Variants in NMRK1 observed in about 807,000 individuals in gnomAD.
NMRK1 encodes the protein nicotinamide riboside kinase 1, also known as NRK 1.
Under a neutral mutation model 29.9 loss-of-function variants are expected in NMRK1, and 28 were observed. That is an observed-to-expected ratio of 0.94 (90% CI 0.69 to 1.28). The LOEUF is 1.28. Ranked by LOEUF, NMRK1 falls within the 50% of genes most tolerant of loss-of-function variation. The pLI is 0.00. For missense variants in NMRK1, 218 were observed against 233.1 expected, an observed-to-expected ratio of 0.94 and a Z score of 0.42; for synonymous variants, 58 against 73.0, an observed-to-expected ratio of 0.79 and a Z score of 1.05.
At position 75,069,946 on chromosome 9, in the gene NMRK1, G is replaced by A. The variant is rs376339133; in HGVS notation, c.266C>T (p.Ala89Val). The A allele has an allele frequency of 3.7e-6, 6 of 1,613,858 alleles. No homozygotes were observed. In the African/African-American group the frequency reaches 8.0e-5, roughly 22 times the overall value. ...HSVVSTDQES[A>V]EEIPILIIEG... ...GATGATTAAAATGGGAATTTCCTCA[G>A]CACTTTCCTGGTCTGTTGATACCAC... The change falls in exon 5 of 9, where the codon GCT becomes GTT. Residue 89 changes from alanine (A) to valine (V), a missense_variant. Transcript: ENST00000361092.
At chr9:75,069,651 A>G in intron 6 of NMRK1, 91 bp downstream of exon 6, 1 of 957,952 alleles carries the variant, frequency 1.0e-6, no homozygotes, top group Non-Finnish European at 1.6e-6. Flanking sequence ...AAAATGACGT[A>G]TACGCATTGC....
At chr9:75,063,759 T>C (rs1243039483) in intron 8 of NMRK1, among the ~76,000 whole-genome samples, 1 of 152,116 alleles carries the variant, frequency 6.6e-6, no homozygotes, top group Non-Finnish European at 1.5e-5. Flanking sequence ...GCTAGCTCAG[T>C]GTGTGTCATA....
intron 4 of NMRK1, among the ~76,000 whole-genome samples, chr9:75,074,228 G>T: frequency 6.6e-6 from 1 of 150,766 alleles, no homozygotes. Flanking sequence ...TGGCCATTAA[G>T]TCTTTCTCTT....
Position 75,078,507 on chromosome 9 carries a change from G to A in NMRK1, c.30-927C>T, listed in dbSNP as rs554795614. On this transcript the variant is annotated intron_variant, in intron 2 of 8. Transcript: ENST00000361092. ...TCTTTAGATCTAGTTTTGCAGCATCGAGGAGATCACACGGGAGGGAGGCAC... is the reference window on the plus strand; with the variant it reads ...TCTTTAGATCTAGTTTTGCAGCATCAAGGAGATCACACGGGAGGGAGGCAC... 1.6e-4 allele frequency: 167 copies of A among 1,040,174 alleles called. No individual in the cohort carries two copies. In the African/African-American group the frequency reaches 2.8e-3, roughly 18 times the overall value. The allele number at this position is 1,040,174 out of a possible 1,614,324, so 64.4% of individuals were successfully genotyped here.
At chr9:75,066,179 G>A in intron 8 of NMRK1, 1 of 469,154 alleles carries the variant, frequency 2.1e-6, no homozygotes, top group South Asian at 1.6e-5. Flanking sequence ...TGGAACACTA[G>A]GCATAAATGA....
chr9:75,078,752 C>T (rs1824155268), intron 2 of NMRK1, among the ~76,000 whole-genome samples: 1 of 152,042 alleles, frequency 6.6e-6, no homozygotes, highest in African/African-American at 2.4e-5. Flanking sequence ...TATTATGTTG[C>T]AGTTGGGGTG....
rs143318056 is a variant in NMRK1 at position 75,073,748 on chromosome 9, T to C, written c.169+3411A>G. On this transcript the variant is annotated intron_variant, in intron 4 of 8. Transcript: ENST00000361092. ...AGTGAGACTCCATCTCAATAAAAAATAAACAAACAAACAAAAAACTCCCAC... is the reference window on the plus strand; with the variant it reads ...AGTGAGACTCCATCTCAATAAAAAACAAACAAACAAACAAAAAACTCCCAC... 1.2e-3 allele frequency among the ~76,000 whole-genome samples: 186 copies of C among 152,154 alleles called. 1 individual carries two copies. Among genetic ancestry groups the C allele is most frequent in the African/African-American group, 3.5e-3 (144 of 41,544 alleles).
chr9:75,069,716 C>T, intron 6 of NMRK1, 26 bp downstream of exon 6: 2 of 1,587,060 alleles, frequency 1.3e-6, no homozygotes, highest in South Asian at 2.2e-5. Context: ...TGAATTACAA[C>T]TCACAAAGAT....
intron 7 of NMRK1, among the ~76,000 whole-genome samples, chr9:75,068,571 A>G (rs1823504589): frequency 6.6e-6 from 1 of 152,150 alleles, no homozygotes; most frequent in South Asian, 2.1e-4. Context: ...GTTTGGTTAA[A>G]TGTGACTTCC....
At chr9:75,087,833 G>C (rs1310165505) in intron 1 of NMRK1, 175 bp downstream of exon 1, 1 of 152,310 alleles carries the variant, frequency 6.6e-6, no homozygotes, top group Non-Finnish European at 1.5e-5. Flanking sequence ...ACGCCACCAT[G>C]AGTACACGTC....
chr9:75,087,832 T>G (rs1281016708), intron 1 of NMRK1, 176 bp downstream of exon 1: 5 of 152,218 alleles, frequency 3.3e-5, no homozygotes, highest in Non-Finnish European at 7.3e-5. Context: ...CACGCCACCA[T>G]GAGTACACGT....
intron 4 of NMRK1, among the ~76,000 whole-genome samples, chr9:75,072,851 C>T (rs1823775805): frequency 6.6e-6 from 1 of 151,908 alleles, no homozygotes; most frequent in Non-Finnish European, 1.5e-5. Context: ...TAATATATTC[C>T]ATGTACTCAA....
chr9:75,070,314 A>C (rs1823627924), intron 4 of NMRK1, among the ~76,000 whole-genome samples: 1 of 152,210 alleles, frequency 6.6e-6, no homozygotes, highest in South Asian at 2.1e-4. Flanking sequence ...TGATAATCAG[A>C]AACCCATGGC....
chr9:75,060,649 C>A lies in NMRK1; in HGVS notation c.*899G>T, dbSNP rs903114207. Reference sequence around the variant, plus strand: ...ATTTAAATTCCAGCATTGAAAGCAGCCTCAAGAGATCACACAATTCAGATC... The same window carrying A: ...ATTTAAATTCCAGCATTGAAAGCAGACTCAAGAGATCACACAATTCAGATC... On this transcript the variant is annotated 3_prime_UTR_variant, in exon 9 of 9. Coordinates refer to ENST00000361092, the MANE Select transcript of NMRK1 (RefSeq NM_017881.3). 5.3e-5 allele frequency: 8 copies of A among 152,068 alleles called. No homozygotes were observed. The highest frequency in any genetic ancestry group is 1.9e-4 in the African/African-American group (8 of 41,392). The allele number at this position is 152,068 out of a possible 1,614,324, so 9.4% of individuals were successfully genotyped here.
rs561985875 is a variant in NMRK1 at position 75,060,786 on chromosome 9, G to C, written c.*762C>G. 6.7e-6 allele frequency: 1 copy of C among 148,406 alleles called. No individual in the cohort carries two copies. Among genetic ancestry groups the C allele is most frequent in the African/African-American group, 2.5e-5 (1 of 39,652 alleles). 9.2% of individuals were successfully genotyped at this position (148,406 alleles called of 1,614,324 possible). On this transcript the variant is annotated 3_prime_UTR_variant, in exon 9 of 9. Coordinates refer to ENST00000361092, the MANE Select transcript of NMRK1 (RefSeq NM_017881.3). ...GACAAAAACAAAATGAACCACGAGG[G>C]GGGAGAAAGAAACCAGAAACCCTAT...
chr9:75,086,226 A>G (rs74884841), intron 1 of NMRK1, among the ~76,000 whole-genome samples: 1,891 of 152,252 alleles, frequency 0.012, 37 homozygotes, highest in African/African-American at 0.043. Flanking sequence ...CCAAAAACAA[A>G]ACAAAAAATC....
At chr9:75,066,334 T>C (rs1050249754) in intron 8 of NMRK1, 2 of 496,870 alleles carry the variant, frequency 4.0e-6, no homozygotes, top group Non-Finnish European at 8.0e-6. Flanking sequence ...TTTTAAAATC[T>C]TTTGTTTATC....
intron 2 of NMRK1, among the ~76,000 whole-genome samples, chr9:75,080,415 G>A (rs933687997): frequency 3.3e-5 from 5 of 152,204 alleles, no homozygotes; most frequent in African/African-American, 1.2e-4. Flanking sequence ...ACTTTGGGAG[G>A]TCGAGGTGGG....
At position 75,074,391 on chromosome 9, in the gene NMRK1, T is replaced by G. The variant is rs113660742; in HGVS notation, c.169+2768A>C. Reference sequence around the variant, plus strand: ...TCTATTTTTCCACCATCTTTTGATTTATTTATTTATTTTTTTGAGACAGTC... The same window carrying G: ...TCTATTTTTCCACCATCTTTTGATTGATTTATTTATTTTTTTGAGACAGTC... On this transcript the variant is annotated intron_variant, in intron 4 of 8. Transcript: ENST00000361092. Among the ~76,000 whole-genome samples, 464 of 152,190 alleles carry G rather than the reference T, an allele frequency of 3.0e-3. 1 individual carries two copies. The highest frequency in any genetic ancestry group is 0.011 in the African/African-American group (452 of 41,506).
Sources: gnomAD v4.1 joint callset for allele counts (sites outside exome capture counted in the v4.1 genomes callset) on GRCh38, gnomAD v4.1.1 for gene constraint, MANE v1.5 for transcripts, NCBI Gene and HGNC (gene_info 2026-07-23, HGNC 2026-07-21) for gene names.